The following PTPRE variants were observed in gnomAD, a reference collection of about 807,000 sequenced individuals.
The protein encoded by PTPRE is receptor-type tyrosine-protein phosphatase epsilon.
PTPRE carries 51 observed loss-of-function variants against 102.0 expected under a neutral mutation model. The observed-to-expected ratio is 0.50, with a 90% CI of 0.40 to 0.63. PTPRE has a LOEUF of 0.63. Ranked by LOEUF, PTPRE falls within the 30% of genes least tolerant of loss-of-function variation. The pLI is 0.00. For missense variants in PTPRE, 752 were observed against 915.1 expected (o/e 0.82, Z 2.30); for synonymous variants, 345 against 348.2 (o/e 0.99, Z 0.10).
chr10:128,082,195 C>CTCTCTTTTTTT (rs1554951767), intron 20 of PTPRE, among the ~76,000 whole-genome samples: 45 of 89,062 alleles, frequency 5.1e-4, no homozygotes, highest in African/African-American at 7.7e-4. Flanking sequence ...TTTTCTCTTT[C>CTCTCTTTTTTT]TTTTTTTTTT....
intron 20 of PTPRE, 145 bp downstream of exon 20, chr10:128,079,840 G>A (rs187823774): frequency 2.1e-5 from 24 of 1,140,022 alleles, no homozygotes; most frequent in Admixed American, 2.0e-4. Flanking sequence ...GCAATGTTTC[G>A]CAGTAAACCT....
intron 1 of PTPRE, among the ~76,000 whole-genome samples, chr10:127,952,523 C>T (rs1849109663): frequency 6.6e-6 from 1 of 152,108 alleles, no homozygotes; most frequent in African/African-American, 2.4e-5. Context: ...ACAAGGATTG[C>T]AGTGCATTGT....
chr10:127,933,816 A>G (rs946280444), intron 1 of PTPRE, among the ~76,000 whole-genome samples: 1 of 152,180 alleles, frequency 6.6e-6, no homozygotes, highest in African/African-American at 2.4e-5. Flanking sequence ...GTTTGGAGTT[A>G]GAAGGTCTGG....
chr10:127,954,426 A>G (rs553923790), intron 1 of PTPRE, among the ~76,000 whole-genome samples: 35 of 152,322 alleles, frequency 2.3e-4, no homozygotes, highest in African/African-American at 7.7e-4. Context: ...CACTCTGGAT[A>G]TGGATATGCT....
intron 2 of PTPRE, among the ~76,000 whole-genome samples, chr10:128,027,159 A>T (rs1443020794): frequency 6.6e-6 from 1 of 152,216 alleles, no homozygotes; most frequent in Non-Finnish European, 1.5e-5. Flanking sequence ...TTAGGTTAGA[A>T]GCGCTTAGCA....
chr10:128,015,046 A>T (rs1025335305), intron 2 of PTPRE, among the ~76,000 whole-genome samples: 1 of 152,110 alleles, frequency 6.6e-6, no homozygotes, highest in Non-Finnish European at 1.5e-5. Context: ...AAATATTTCA[A>T]ACTAATTTAA....
intron 1 of PTPRE, among the ~76,000 whole-genome samples, chr10:127,925,215 G>C (rs1294955151): frequency 2.0e-5 from 3 of 152,204 alleles, no homozygotes; most frequent in Admixed American, 2.0e-4. Flanking sequence ...TCTGGGAGCT[G>C]GCTTCACCCA....
chr10:127,934,398 G>C (rs1354724502), intron 1 of PTPRE: 1 of 152,178 alleles, frequency 6.6e-6, no homozygotes, highest in Non-Finnish European at 1.5e-5. Context: ...ACATGGCTTT[G>C]AGATCTGCCT....
intron 6 of PTPRE, among the ~76,000 whole-genome samples, chr10:128,050,330 C>CGGATGGAT (rs562305572): frequency 0.021 from 1,989 of 94,598 alleles, 24 homozygotes; most frequent in Admixed American, 0.034. Context: ...AGTGGGAGGG[C>CGGATGGAT]GGATGGATGG....
chr10:128,047,362 G>A (rs758983942), intron 3 of PTPRE, 28 bp from the exon 4 acceptor site: 2 of 1,610,264 alleles, frequency 1.2e-6, no homozygotes, highest in Non-Finnish European at 8.5e-7. Flanking sequence ...TGAGGTCAGG[G>A]GTTAGGGTCT....
intron 1 of PTPRE, among the ~76,000 whole-genome samples, chr10:127,927,607 C>T (rs1408177366): frequency 1.3e-5 from 2 of 152,178 alleles, no homozygotes; most frequent in Non-Finnish European, 2.9e-5. Flanking sequence ...CTGAACAGTC[C>T]CCCTCCTCAT....
chr10:128,081,937 A>G (rs1422566347), intron 20 of PTPRE, among the ~76,000 whole-genome samples: 7 of 152,228 alleles, frequency 4.6e-5, no homozygotes, highest in Admixed American at 4.6e-4. Flanking sequence ...GAAGAGCCCA[A>G]GTGCAATGTG....
At chr10:127,942,089 A>G (rs1442426457) in intron 1 of PTPRE, among the ~76,000 whole-genome samples, 1 of 152,216 alleles carries the variant, frequency 6.6e-6, no homozygotes, top group African/African-American at 2.4e-5. Context: ...CAAGCCTCCT[A>G]TAGTCCAGTC....
intron 18 of PTPRE, 39 bp downstream of exon 18, chr10:128,076,767 G>T: frequency 6.2e-7 from 1 of 1,607,570 alleles, no homozygotes; most frequent in South Asian, 1.1e-5. Context: ...TGTGAATTTA[G>T]TGAACCACGC....
intron 2 of PTPRE, among the ~76,000 whole-genome samples, chr10:128,027,905 C>G (rs1846400542): frequency 6.6e-6 from 1 of 152,220 alleles, no homozygotes; most frequent in Non-Finnish European, 1.5e-5. Flanking sequence ...AGGACACCCA[C>G]AGGAGGCTAC....
chr10:127,981,904 C>T (rs926233966), intron 1 of PTPRE, among the ~76,000 whole-genome samples: 1 of 152,054 alleles, frequency 6.6e-6, no homozygotes, highest in Non-Finnish European at 1.5e-5. Context: ...GTGAGCTGCC[C>T]CAGACCAGGT....
In PTPRE at chr10:127,907,373, A is replaced by T; in HGVS notation, c.-31+64A>T. 1 of 978,256 alleles carries T rather than the reference A, an allele frequency of 1.0e-6. No homozygotes were observed. The allele number at this position is 978,256 out of a possible 1,614,324, so 60.6% of individuals were successfully genotyped here. A position where few individuals can be genotyped will look rare whatever the true frequency, so the allele number is the denominator to read the frequency against. ...GGGAACTGTGCACCCCGGGAGGCCCAAGCAGGCCGGGGCGCTGCCTCGGCC... is the reference window on the plus strand; with the variant it reads ...GGGAACTGTGCACCCCGGGAGGCCCTAGCAGGCCGGGGCGCTGCCTCGGCC... On this transcript the variant is annotated intron_variant, in intron 1 of 20. Transcript: ENST00000254667. The surrounding 1 kb of genome is among the most constrained non-coding windows in gnomAD (Gnocchi z 4.8).
chr10:128,000,439 G>A (rs1014911404), intron 2 of PTPRE, among the ~76,000 whole-genome samples: 1 of 152,150 alleles, frequency 6.6e-6, no homozygotes, highest in Non-Finnish European at 1.5e-5. Flanking sequence ...AAATTGGAGG[G>A]GAGATTTTCT....
At chr10:127,931,567 G>A (rs981036839) in intron 1 of PTPRE, among the ~76,000 whole-genome samples, 1 of 152,168 alleles carries the variant, frequency 6.6e-6, no homozygotes, top group African/African-American at 2.4e-5. Flanking sequence ...CCAAGTGTGG[G>A]CATTCCTATG....
Sources: gnomAD v4.1 joint callset for allele counts (sites outside exome capture counted in the v4.1 genomes callset) on GRCh38, gnomAD v4.1.1 for gene constraint, Gnocchi (gnomAD v3.1) non-coding constraint, MANE v1.5 for transcripts, NCBI Gene and HGNC (gene_info 2026-07-23, HGNC 2026-07-21) for gene names.